PKHD1: variants seen among roughly 807,000 people sequenced by gnomAD.
PKHD1 encodes PKHD1 ciliary IPT domain containing fibrocystin/polyductin.
In PKHD1, 291 loss-of-function variants were observed where a neutral mutation model predicts 412.0. That is an observed-to-expected ratio of 0.71 (90% confidence interval 0.64 to 0.78). The LOEUF is 0.78. Ranked by LOEUF, PKHD1 falls within the 30% of genes least tolerant of loss-of-function variation. The probability of loss-of-function intolerance (pLI) is 0.00; values close to 1 mark genes in which losing one functional copy is unlikely to be tolerated. For synonymous variants in PKHD1, 1,777 were observed against 1,821.5 expected, an observed-to-expected ratio of 0.98 and a Z score of 0.62; for missense variants, 4,825 against 4,950.7, an observed-to-expected ratio of 0.97 and a Z score of 0.76.
At chr6:51,727,702 G>C (rs903656332) in intron 60 of PKHD1, among the ~76,000 whole-genome samples, 8 of 152,086 alleles carry the variant, frequency 5.3e-5, no homozygotes, top group Admixed American at 5.2e-4. Context: ...GTGTGCCCCT[G>C]GAAAGGCAAA....
In PKHD1 at chr6:51,637,550, A is replaced by G. The variant is rs560875436; in HGVS notation, c.11506+1299T>C. On this transcript the variant is annotated intron_variant, in intron 64 of 66. Transcript: ENST00000371117. ...TTTAAATAGCATTTAAGAGATAATG[A>G]TCATATAGCCAGGGAGCAATAATAT... Among the ~76,000 whole-genome samples the G allele has an allele frequency of 2.4e-3, 358 of 152,192 alleles. 2 individuals carry two copies. The highest frequency in any genetic ancestry group is 7.8e-3 in the African/African-American group (322 of 41,514).
chr6:51,904,145 T>G, intron 41 of PKHD1, 103 bp from the exon 42 acceptor site: 1 of 779,340 alleles, frequency 1.3e-6, no homozygotes, highest in Non-Finnish European at 2.3e-6. Context: ...TTTGATTTTG[T>G]TTTTGTGTTT....
intron 60 of PKHD1, among the ~76,000 whole-genome samples, chr6:51,668,070 C>T (rs1774167725): frequency 6.6e-6 from 1 of 151,950 alleles, no homozygotes; most frequent in Non-Finnish European, 1.5e-5. Context: ...TAGTTTTTTC[C>T]AATTCTGTGA....
intron 35 of PKHD1, among the ~76,000 whole-genome samples, chr6:51,990,301 G>C (rs1213781012): frequency 6.6e-6 from 1 of 152,146 alleles, no homozygotes; most frequent in East Asian, 1.9e-4. Context: ...ATAGCCTGTG[G>C]TTACTGCAGT....
rs771480656 is a variant in PKHD1 at position 52,025,014 on chromosome 6, C to A, written c.4796G>T (p.Arg1599Ile). 4 of 1,614,174 alleles carry A rather than the reference C, an allele frequency of 2.5e-6. No homozygotes were observed. The South Asian group carries it at 4.4e-5, about 18-fold the overall frequency. ...SLLTIEGTGL[R>I]GQNTTSVYID... ...ATAGACTGACGTGGTGTTCTGTCCT[C>A]TCAGGCCTGTGCCCTCTATGGTCAA... Residue 1599 changes from arginine to isoleucine, a missense_variant, in exon 32 of 67, where the codon AGA (arginine) becomes ATA (isoleucine). Physicochemically the swap from Arg to Ile is moderately conservative, Grantham distance 97. Transcript: ENST00000371117.
At chr6:52,080,634 C>T (rs1230143608) in intron 4 of PKHD1, among the ~76,000 whole-genome samples, 2 of 152,142 alleles carry the variant, frequency 1.3e-5, no homozygotes, top group African/African-American at 4.8e-5. Flanking sequence ...TTTAGTATGA[C>T]CTTAAATATT....
chr6:51,824,350 A>G (rs758636511), intron 52 of PKHD1, among the ~76,000 whole-genome samples: 6 of 152,188 alleles, frequency 3.9e-5, no homozygotes, highest in Non-Finnish European at 7.3e-5. Context: ...ATGATTTGAT[A>G]TATGAAAAGT....
At chr6:52,053,639 G>T (rs1376345341) in intron 20 of PKHD1, among the ~76,000 whole-genome samples, 3 of 152,168 alleles carry the variant, frequency 2.0e-5, no homozygotes, top group African/African-American at 7.2e-5. Context: ...AGACCCATGA[G>T]AATTATGTGG....
chr6:51,982,828 A>T (rs1470546471), intron 35 of PKHD1, among the ~76,000 whole-genome samples: 1 of 146,644 alleles, frequency 6.8e-6, no homozygotes. Flanking sequence ...TAATAATAAT[A>T]AATAAAAAAT....
intron 51 of PKHD1, among the ~76,000 whole-genome samples, chr6:51,835,196 C>T (rs1010977339): frequency 2.0e-5 from 3 of 152,134 alleles, no homozygotes; most frequent in African/African-American, 7.2e-5. Flanking sequence ...ATACTACATG[C>T]TGAGTGACAT....
chr6:51,628,554 T>C (rs1767557777), intron 65 of PKHD1, among the ~76,000 whole-genome samples: 1 of 152,224 alleles, frequency 6.6e-6, no homozygotes. Context: ...ACATGTGTCC[T>C]TTTGGTAGAC....
chr6:51,782,939 T>C (rs1367349288), intron 53 of PKHD1, among the ~76,000 whole-genome samples: 1 of 152,132 alleles, frequency 6.6e-6, no homozygotes, highest in East Asian at 1.9e-4. Flanking sequence ...TGTGTATGGA[T>C]TTTTCTTCTT....
chr6:51,962,105 G>A (rs1349826837), intron 35 of PKHD1, among the ~76,000 whole-genome samples: 1 of 151,998 alleles, frequency 6.6e-6, no homozygotes, highest in Non-Finnish European at 1.5e-5. Flanking sequence ...CAAAGCTTAG[G>A]GTCTTTGGCC....
Position 51,951,684 on chromosome 6 carries a change from A to G in PKHD1, c.5908+8186T>C, listed in dbSNP as rs60507789. On this transcript the variant is annotated intron_variant, in intron 36 of 66. Coordinates refer to ENST00000371117, the MANE Select transcript of PKHD1 (RefSeq NM_138694.4). ...ACCCCAGGAATATTGTATAGAAACT[A>G]TAATAATGAAATGCTCAGTCCCCAA... Among the ~76,000 whole-genome samples, 1,450 of 152,322 alleles carry G rather than the reference A, an allele frequency of 9.5e-3. 25 individuals carry two copies. Among genetic ancestry groups the G allele is most frequent in the African/African-American group, 0.033 (1,367 of 41,584 alleles).
intron 21 of PKHD1, 152 bp from the exon 22 acceptor site, chr6:52,050,447 G>A (rs747524150): frequency 1.3e-6 from 1 of 781,470 alleles, no homozygotes; most frequent in Non-Finnish European, 2.2e-6. Context: ...AACACATGGA[G>A]AGGACGCAGG....
At chr6:51,982,622 A>C (rs1310454464) in intron 35 of PKHD1, among the ~76,000 whole-genome samples, 1 of 148,476 alleles carries the variant, frequency 6.7e-6, no homozygotes, top group East Asian at 2.0e-4. Flanking sequence ...CATGCTCGTC[A>C]AGAGTCATCA....
chr6:51,732,619 GT>G (rs1279985292), intron 60 of PKHD1, among the ~76,000 whole-genome samples: 2 of 152,126 alleles, frequency 1.3e-5, no homozygotes, highest in African/African-American at 4.8e-5. Flanking sequence ...CATTAAAATG[GT>G]TACTATCAAA....
intron 35 of PKHD1, among the ~76,000 whole-genome samples, chr6:51,989,625 T>C (rs1163362167): frequency 2.6e-5 from 4 of 152,040 alleles, no homozygotes; most frequent in Admixed American, 6.6e-5. Context: ...GTTTTGCCTG[T>C]TTTTGTTATT....
chr6:52,032,076 A>G (rs1803137701), intron 29 of PKHD1, among the ~76,000 whole-genome samples: 1 of 152,208 alleles, frequency 6.6e-6, no homozygotes, highest in African/African-American at 2.4e-5. Flanking sequence ...GGAATTTTAC[A>G]CACTTCAGTC....
Sources: allele counts gnomAD v4.1 joint callset (sites outside exome capture counted in the v4.1 genomes callset), GRCh38; gene constraint gnomAD v4.1.1; transcripts MANE v1.5; gene names NCBI Gene and HGNC (gene_info 2026-07-23, HGNC 2026-07-21).